Variants in MAML1 observed in about 807,000 individuals in gnomAD.
MAML1 encodes mastermind-like protein 1.
MAML1 carries 14 observed loss-of-function variants against 77.1 expected under a neutral mutation model. The observed-to-expected ratio is 0.18, with a 90% CI of 0.12 to 0.28. The LOEUF (loss-of-function observed/expected upper bound fraction) is 0.28. MAML1 is among the 10% of genes least tolerant of loss of function. The probability of loss-of-function intolerance (pLI) is 1.00; values close to 1 mark genes in which losing one functional copy is unlikely to be tolerated. For missense variants in MAML1, 1,217 were observed against 1,327.8 expected (o/e 0.92, Z 1.30); for synonymous variants, 516 against 551.9 (o/e 0.93, Z 0.91).
At chr5:179,741,955 T>C (rs1437342192) in intron 1 of MAML1, among the ~76,000 whole-genome samples, 1 of 151,788 alleles carries the variant, frequency 6.6e-6, no homozygotes, top group Non-Finnish European at 1.5e-5. Context: ...TGGAGTGCAG[T>C]GGGGTGATCT....
chr5:179,755,787 CAG>C (rs1162522638), intron 1 of MAML1, among the ~76,000 whole-genome samples: 2 of 145,074 alleles, frequency 1.4e-5, no homozygotes, highest in Admixed American at 7.1e-5. Context: ...TTTTTTAAGA[CAG>C]AGTCTCATTC....
At chr5:179,753,022 C>A (rs566655817) in intron 1 of MAML1, among the ~76,000 whole-genome samples, 1 of 152,326 alleles carries the variant, frequency 6.6e-6, no homozygotes, top group Non-Finnish European at 1.5e-5. Flanking sequence ...ATCCGCCCGT[C>A]TTGGCCTCCC....
At chr5:179,733,819 G>C (rs1187570555) in intron 1 of MAML1, among the ~76,000 whole-genome samples, 3 of 152,192 alleles carry the variant, frequency 2.0e-5, no homozygotes, top group African/African-American at 7.2e-5. Context: ...ATGTTTATTG[G>C]GTCCTTGCCC....
At chr5:179,734,790 A>G (rs1019546267) in intron 1 of MAML1, among the ~76,000 whole-genome samples, 12 of 152,130 alleles carry the variant, frequency 7.9e-5, no homozygotes, top group Admixed American at 7.9e-4. Flanking sequence ...CCTCCTGAGT[A>G]ACTGGGATCA....
intron 1 of MAML1, among the ~76,000 whole-genome samples, chr5:179,760,173 G>A (rs1191820526): frequency 6.6e-6 from 1 of 152,118 alleles, no homozygotes; most frequent in Non-Finnish European, 1.5e-5. Context: ...GGCATCAGAT[G>A]GCACATTTAT....
chr5:179,738,867 A>G (rs948734604), intron 1 of MAML1, among the ~76,000 whole-genome samples: 3 of 151,486 alleles, frequency 2.0e-5, no homozygotes, highest in African/African-American at 4.9e-5. Context: ...TACAGCCTCA[A>G]CCTCCCAGGC....
At chr5:179,755,252 T>A (rs1779587633) in intron 1 of MAML1, among the ~76,000 whole-genome samples, 1 of 152,188 alleles carries the variant, frequency 6.6e-6, no homozygotes, top group South Asian at 2.1e-4. Flanking sequence ...TGCTTCCTGT[T>A]AGTGAGCAGA....
chr5:179,752,502 A>AATTTAAAGTTGGAT (rs144740369), intron 1 of MAML1, among the ~76,000 whole-genome samples: 1 of 148,444 alleles, frequency 6.7e-6, no homozygotes, highest in Non-Finnish European at 1.5e-5. Context: ...GCTACTAGCA[A>AATTTAAAGTTGGAT]ATTTTGCCCA....
At chr5:179,753,639 T>TTTA (rs1554150346) in intron 1 of MAML1, among the ~76,000 whole-genome samples, 1,234 of 112,382 alleles carry the variant, frequency 0.011, 35 homozygotes, top group Middle Eastern at 0.019. Flanking sequence ...TTTGGGTTGT[T>TTTA]TTATTATTAT....
In MAML1 at chr5:179,733,039, G is replaced by C; in HGVS notation, c.-74G>C. 1 of 951,684 alleles carries C rather than the reference G, an allele frequency of 1.1e-6. No homozygotes were observed. Among genetic ancestry groups the C allele is most frequent in the East Asian group, 3.8e-5 (1 of 26,432 alleles). The allele number at this position is 951,684 out of a possible 1,614,324, so 59.0% of individuals were successfully genotyped here. A position where few individuals can be genotyped will look rare whatever the true frequency, so the allele number is the denominator to read the frequency against. On this transcript the variant is annotated 5_prime_UTR_variant, in exon 1 of 5. Transcript: ENST00000292599. ...CCGTGAGGCGGAGAGGGGTAGCCGCGGGGAGCGAAGCCCGCAGTGCCAGCC... is the reference window on the plus strand; with the variant it reads ...CCGTGAGGCGGAGAGGGGTAGCCGCCGGGAGCGAAGCCCGCAGTGCCAGCC...
chr5:179,774,998 C>G lies in MAML1; in HGVS notation c.*121C>G. On this transcript the variant is annotated 3_prime_UTR_variant, in exon 5 of 5. Transcript: ENST00000292599. ...CCTGGGGAGCTGGGCAGGTAGAGCC[C>G]AAGCTCCAGGTGAGGCCTGGCCCTG... 3 of 1,483,644 alleles carry G rather than the reference C, an allele frequency of 2.0e-6. No homozygotes were observed. In the East Asian group the frequency reaches 7.0e-5, roughly 34 times the overall value. The allele number at this position is 1,483,644 out of a possible 1,614,324, so 91.9% of individuals were successfully genotyped here. A position where few individuals can be genotyped will look rare whatever the true frequency, so the allele number is the denominator to read the frequency against.
chr5:179,764,046 A>G (rs1480858955), intron 1 of MAML1, among the ~76,000 whole-genome samples: 7 of 152,126 alleles, frequency 4.6e-5, no homozygotes, highest in Admixed American at 1.3e-4. Context: ...GTGAGGAAGC[A>G]GTAGAAGGAG....
intron 1 of MAML1, among the ~76,000 whole-genome samples, chr5:179,759,893 T>C (rs1779694674): frequency 6.6e-6 from 1 of 152,014 alleles, no homozygotes; most frequent in Non-Finnish European, 1.5e-5. Context: ...GAGAAGTGGG[T>C]GGGTTCAAGA....
Position 179,765,561 on chromosome 5 carries a change from A to T in MAML1, c.551A>T (p.Asp184Val), listed in dbSNP as rs776761529. The stretch of plus-strand genomic sequence containing the variant: ...AGTGGGAAGCACTCTCTGGGGCTAG[A>T]CTCTCTCAACAAAAAGCGTCTGGCT... Reference protein sequence around the residue: ...QSSGKHSLGLDSLNKKRLADS... With the variant: ...QSSGKHSLGLVSLNKKRLADS... The change falls in exon 2 of 5, where the codon GAC (aspartate) becomes GTC (valine). Residue 184 changes from aspartate to valine, a missense_variant. Around this residue, in one of 3 missense-constraint regions of MAML1, gnomAD observed 312 missense variants for 331.4 expected, o/e 0.94. Coordinates refer to ENST00000292599, the MANE Select transcript of MAML1 (RefSeq NM_014757.5). 6.2e-7 allele frequency: 1 copy of T among 1,613,962 alleles called. No homozygotes were observed. Among genetic ancestry groups the T allele is most frequent in the Non-Finnish European group, 8.5e-7 (1 of 1,179,954 alleles).
intron 3 of MAML1, among the ~76,000 whole-genome samples, chr5:179,770,033 A>C (rs993695850): frequency 5.3e-5 from 8 of 152,216 alleles, no homozygotes; most frequent in African/African-American, 1.9e-4. Context: ...GAGTTGTGCA[A>C]CCATTACCAC....
chr5:179,742,601 G>A (rs1392429741), intron 1 of MAML1, among the ~76,000 whole-genome samples: 1 of 151,968 alleles, frequency 6.6e-6, no homozygotes, highest in African/African-American at 2.4e-5. Flanking sequence ...TCAGGAGTTC[G>A]AGACCAGCCT....
At chr5:179,753,066 C>T (rs1581933590) in intron 1 of MAML1, among the ~76,000 whole-genome samples, 1 of 152,220 alleles carries the variant, frequency 6.6e-6, no homozygotes, top group Non-Finnish European at 1.5e-5. Flanking sequence ...AACCACAGCA[C>T]CTGGCCCATC....
chr5:179,747,538 C>G (rs964584421), intron 1 of MAML1, among the ~76,000 whole-genome samples: 1 of 152,144 alleles, frequency 6.6e-6, no homozygotes, highest in Non-Finnish European at 1.5e-5. Context: ...AGGCTGGGCA[C>G]GGTGGCTCAT....
chr5:179,770,395 A>C (rs1048405039), intron 3 of MAML1, among the ~76,000 whole-genome samples: 3 of 152,072 alleles, frequency 2.0e-5, no homozygotes, highest in South Asian at 4.1e-4. Flanking sequence ...TGCAGTGAGC[A>C]GAGATCGCGC....
Sources: allele counts gnomAD v4.1 joint callset (sites outside exome capture counted in the v4.1 genomes callset), GRCh38; gene constraint gnomAD v4.1.1; regional missense constraint gnomAD v4.1.1; transcripts MANE v1.5; gene names NCBI Gene and HGNC (gene_info 2026-07-23, HGNC 2026-07-21).